Variants in ADGRV1 observed in about 807,000 individuals in gnomAD.
The protein encoded by ADGRV1 is G-protein coupled receptor 98.
A neutral mutation model predicts 596.2 loss-of-function variants in ADGRV1; 359 were observed. That is an observed-to-expected ratio of 0.60 (90% CI 0.55 to 0.66). The LOEUF is 0.66. ADGRV1 is among the 30% of genes least tolerant of loss of function. ADGRV1 has a pLI of 0.00. For missense variants in ADGRV1, 7,274 were observed against 7,575.6 expected (o/e 0.96, Z 1.48); for synonymous variants, 2,681 against 2,679.2 (o/e 1.00, Z -0.02).
intron 85 of ADGRV1, among the ~76,000 whole-genome samples, chr5:90,988,600 A>G (rs1490787510): frequency 1.3e-5 from 2 of 151,852 alleles, no homozygotes; most frequent in East Asian, 1.9e-4. Flanking sequence ...TATATATTCA[A>G]ATGTCTTATA....
intron 83 of ADGRV1, among the ~76,000 whole-genome samples, chr5:90,869,620 A>G (rs959353655): frequency 6.6e-6 from 1 of 152,282 alleles, no homozygotes; most frequent in South Asian, 2.1e-4. Context: ...AAAGGAAGGA[A>G]TAAGGACTAA....
chr5:91,029,356 A>T (rs1020193356), intron 85 of ADGRV1, among the ~76,000 whole-genome samples: 1 of 152,232 alleles, frequency 6.6e-6, no homozygotes, highest in Non-Finnish European at 1.5e-5. Flanking sequence ...AGGTATGAAT[A>T]TGATACAATT....
intron 77 of ADGRV1, among the ~76,000 whole-genome samples, chr5:90,835,387 C>T (rs1764889195): frequency 6.6e-6 from 1 of 152,176 alleles, no homozygotes; most frequent in South Asian, 2.1e-4. Flanking sequence ...CTTACTTTCT[C>T]CTAAACAAAA....
At chr5:90,759,989 A>C (rs925867695) in intron 58 of ADGRV1, 13 of 142,986 alleles carry the variant, frequency 9.1e-5, no homozygotes, top group African/African-American at 3.9e-4. Context: ...AAAAAAAAAA[A>C]AAAGGCCGGG....
At chr5:90,697,874 C>T (rs1747402553) in intron 34 of ADGRV1, among the ~76,000 whole-genome samples, 1 of 151,906 alleles carries the variant, frequency 6.6e-6, no homozygotes. Flanking sequence ...ATAATTTTAC[C>T]TTGAATAGTT....
At chr5:91,001,928 A>T (rs1290327769) in intron 85 of ADGRV1, among the ~76,000 whole-genome samples, 1 of 152,040 alleles carries the variant, frequency 6.6e-6, no homozygotes, top group Non-Finnish European at 1.5e-5. Flanking sequence ...TTTATTTCCT[A>T]TGACACTAAA....
At chr5:91,006,587 C>T (rs1380574210) in intron 85 of ADGRV1, among the ~76,000 whole-genome samples, 1 of 152,120 alleles carries the variant, frequency 6.6e-6, no homozygotes, top group African/African-American at 2.4e-5. Context: ...CTTCCTCTAA[C>T]ACGGTCAATT....
At chr5:90,897,247 C>T (rs1028397351) in intron 83 of ADGRV1, among the ~76,000 whole-genome samples, 2 of 151,998 alleles carry the variant, frequency 1.3e-5, no homozygotes, top group African/African-American at 4.8e-5. Context: ...AGATTTAGTT[C>T]AAATAAAAAT....
At chr5:90,718,601 G>A (rs984051310) in intron 43 of ADGRV1, among the ~76,000 whole-genome samples, 1 of 151,750 alleles carries the variant, frequency 6.6e-6, no homozygotes, top group African/African-American at 2.4e-5. Flanking sequence ...CAGCACATTT[G>A]CAAATGCATA....
intron 84 of ADGRV1, among the ~76,000 whole-genome samples, chr5:90,983,974 A>C (rs1780286137): frequency 6.6e-6 from 1 of 152,194 alleles, no homozygotes; most frequent in East Asian, 1.9e-4. Flanking sequence ...TCAAATAGAA[A>C]AGTGTTTATC....
chr5:91,154,999 A>G (rs757644532), intron 89 of ADGRV1, among the ~76,000 whole-genome samples: 8 of 152,194 alleles, frequency 5.3e-5, no homozygotes, highest in Admixed American at 1.3e-4. Flanking sequence ...TTGGGTGGGG[A>G]CACAGCCAAA....
intron 1 of ADGRV1, among the ~76,000 whole-genome samples, chr5:90,592,207 A>T (rs529403536): frequency 3.2e-4 from 49 of 152,346 alleles, no homozygotes; most frequent in South Asian, 6.2e-4. Context: ...AAAATATGGA[A>T]CTAGCCCAAA....
At chr5:90,904,660 G>A (rs1001106337) in intron 83 of ADGRV1, among the ~76,000 whole-genome samples, 1 of 151,516 alleles carries the variant, frequency 6.6e-6, no homozygotes, top group Non-Finnish European at 1.5e-5. Flanking sequence ...TTGTCAGATG[G>A]GCAATTTTCT....
intron 38 of ADGRV1, among the ~76,000 whole-genome samples, chr5:90,708,103 A>G (rs1488404990): frequency 6.6e-6 from 1 of 152,220 alleles, no homozygotes; most frequent in Non-Finnish European, 1.5e-5. Flanking sequence ...GACATTATAT[A>G]TGCATAAATA....
intron 83 of ADGRV1, among the ~76,000 whole-genome samples, chr5:90,871,632 C>A (rs746416956): frequency 2.0e-5 from 3 of 152,188 alleles, no homozygotes; most frequent in Non-Finnish European, 4.4e-5. Flanking sequence ...CCAAAAAATA[C>A]CAGTTTGGAA....
chr5:91,079,749 A>G (rs962331254), intron 86 of ADGRV1, among the ~76,000 whole-genome samples: 1 of 152,190 alleles, frequency 6.6e-6, no homozygotes, highest in African/African-American at 2.4e-5. Context: ...GCCTTTTACC[A>G]GTCTCAATTG....
intron 27 of ADGRV1, among the ~76,000 whole-genome samples, chr5:90,683,104 T>C (rs1458043573): frequency 6.6e-6 from 1 of 152,230 alleles, no homozygotes. Context: ...TTTAATTTAT[T>C]GGGCATAAAA....
At chr5:90,665,897 G>T (rs1393786971) in intron 21 of ADGRV1, among the ~76,000 whole-genome samples, 3 of 149,406 alleles carry the variant, frequency 2.0e-5, no homozygotes, top group Non-Finnish European at 4.5e-5. Flanking sequence ...GGAGCAGGTT[G>T]TTCAGTTTCC....
chr5:91,052,871 G>T (rs1384667212), intron 85 of ADGRV1, among the ~76,000 whole-genome samples: 1 of 152,134 alleles, frequency 6.6e-6, no homozygotes, highest in Non-Finnish European at 1.5e-5. Context: ...CAGTATCAAA[G>T]GCCTCTCCTC....
Sources: allele counts gnomAD v4.1 joint callset (sites outside exome capture counted in the v4.1 genomes callset), GRCh38; gene constraint gnomAD v4.1.1; transcripts MANE v1.5; gene names NCBI Gene and HGNC (gene_info 2026-07-23, HGNC 2026-07-21).